SORL1: variants seen among roughly 807,000 people sequenced by gnomAD.
The protein encoded by SORL1 is sortilin-related receptor.
A neutral mutation model predicts 273.7 loss-of-function variants in SORL1; 127 were observed. That is an observed-to-expected ratio of 0.46 (90% CI 0.40 to 0.54). The LOEUF is 0.54. SORL1 is among the 20% of genes least tolerant of loss of function. The pLI, the probability that SORL1 is intolerant of heterozygous loss-of-function variation, is 0.00. For synonymous variants in SORL1, 1,031 were observed against 1,067.4 expected, an observed-to-expected ratio of 0.97 and a Z score of 0.66; for missense variants, 2,494 against 2,846.1, an observed-to-expected ratio of 0.88 and a Z score of 2.81.
chr11:121,481,048 C>T (rs1861373600), intron 3 of SORL1, among the ~76,000 whole-genome samples: 8 of 118,124 alleles, frequency 6.8e-5, no homozygotes, highest in Admixed American at 8.0e-5. Context: ...CCAGCTCCTC[C>T]CCTAGTGCAC....
rs1300498350 is a variant in SORL1 at position 121,457,291 on chromosome 11, G to A, written c.285+4675G>A. Among the ~76,000 whole-genome samples the A allele has an allele frequency of 2.0e-5, 3 of 152,280 alleles. No homozygotes were observed. The East Asian group carries it at 5.8e-4, about 29-fold the overall frequency. ...GATGAAATAAAAAGCTGTCTGATTA[G>A]GTAATGCACGTTTACAAAACAAAAT... On this transcript the variant is annotated intron_variant, in intron 1 of 47. Transcript: ENST00000260197.
intron 40 of SORL1, among the ~76,000 whole-genome samples, chr11:121,613,257 C>T (rs1863592941): frequency 6.6e-6 from 1 of 152,206 alleles, no homozygotes; most frequent in Non-Finnish European, 1.5e-5. Context: ...TCAGTAAATA[C>T]ATGTTGACTG....
chr11:121,596,185 C>G lies in SORL1; in HGVS notation c.4519+413C>G, dbSNP rs1280516590. Among the ~76,000 whole-genome samples the G allele has an allele frequency of 6.6e-6, 1 of 152,186 alleles. No homozygotes were observed. The highest frequency in any genetic ancestry group is 1.5e-5 in the Non-Finnish European group (1 of 68,034). On this transcript the variant is annotated intron_variant, in intron 32 of 47. Transcript: ENST00000260197. This position sits in a 1 kb window ranked among gnomAD's most constrained non-coding sequence, Gnocchi z 4.3. ...AGCTGTGTTATTAGAGGGTTTGCCT[C>G]TAGCACCCCATTAAGAAAATTCATT...
At chr11:121,570,388 CT>C in intron 23 of SORL1, 118 bp downstream of exon 23, 2 of 637,252 alleles carry the variant, frequency 3.1e-6, no homozygotes, top group Non-Finnish European at 5.7e-6. Flanking sequence ...TGATGCCCAT[CT>C]AAGTTGATGG....
At chr11:121,490,228 A>C (rs1188745917) in intron 5 of SORL1, 118 bp downstream of exon 5, 1 of 696,738 alleles carries the variant, frequency 1.4e-6, no homozygotes, top group African/African-American at 1.8e-5. Context: ...CAGGAAATAC[A>C]TTTTTCCAGA....
intron 5 of SORL1, among the ~76,000 whole-genome samples, chr11:121,490,898 A>G (rs1441641905): frequency 6.6e-6 from 1 of 152,198 alleles, no homozygotes; most frequent in African/African-American, 2.4e-5. Flanking sequence ...CAGGTACGTA[A>G]CACACATTGT....
chr11:121,533,419 T>C (rs1339471287), intron 12 of SORL1, among the ~76,000 whole-genome samples: 1 of 152,204 alleles, frequency 6.6e-6, no homozygotes, highest in Non-Finnish European at 1.5e-5. Context: ...TTGCAATATA[T>C]TGTTCTGAAA....
At chr11:121,480,785 G>A (rs1488851361) in intron 3 of SORL1, among the ~76,000 whole-genome samples, 1 of 139,082 alleles carries the variant, frequency 7.2e-6, no homozygotes, top group Admixed American at 7.1e-5. Context: ...CTCCCCTAGT[G>A]CACAGATACC....
chr11:121,625,339 T>G, intron 46 of SORL1, 62 bp downstream of exon 46: 1 of 1,321,142 alleles, frequency 7.6e-7, no homozygotes, highest in South Asian at 1.3e-5. Flanking sequence ...GAATGTCATA[T>G]GGTTTCATGA....
At position 121,522,936 on chromosome 11, in the gene SORL1, G is replaced by A; in HGVS notation, c.1543G>A (p.Ala515Thr). The A allele has an allele frequency of 1.2e-6, 2 of 1,613,922 alleles. No homozygotes were observed. The highest frequency in any genetic ancestry group is 1.7e-6 in the Non-Finnish European group (2 of 1,179,786). The change falls in exon 11 of 48, where the codon GCT (alanine) becomes ACT (threonine). Residue 515 changes from alanine (A) to threonine (T), a missense_variant. Physicochemically the swap from Ala to Thr is moderately conservative, Grantham distance 58. Transcript: ENST00000260197. The part of the protein sequence containing the change: ...IATGSVGKNL[A>T]SKTNVYISSS... ...TTTAGGCTCAGTGGGAAAGAACTTG[G>A]CTAGCAAGACAAACGTGTACATCTC...
intron 14 of SORL1, among the ~76,000 whole-genome samples, chr11:121,549,527 C>T (rs1367351193): frequency 1.3e-5 from 2 of 152,118 alleles, no homozygotes; most frequent in Non-Finnish European, 2.9e-5. Flanking sequence ...ATGCCCGGCC[C>T]CAAATAATTT....
intron 1 of SORL1, among the ~76,000 whole-genome samples, chr11:121,458,871 T>G (rs1860948302): frequency 6.6e-6 from 1 of 152,212 alleles, no homozygotes; most frequent in Admixed American, 6.5e-5. Flanking sequence ...TGACCAATGC[T>G]TTGTGCATTT....
chr11:121,481,869 C>G (rs1861393740), intron 3 of SORL1, among the ~76,000 whole-genome samples: 1 of 146,650 alleles, frequency 6.8e-6, no homozygotes. Flanking sequence ...ACACAGATAC[C>G]TATAGGCAGG....
chr11:121,477,100 C>T (rs966980618), intron 2 of SORL1, among the ~76,000 whole-genome samples: 1 of 152,072 alleles, frequency 6.6e-6, no homozygotes, highest in Non-Finnish European at 1.5e-5. Flanking sequence ...CCTCATTTTT[C>T]TTTAATGCTC....
At chr11:121,528,324 C>T (rs1198531253) in intron 11 of SORL1, among the ~76,000 whole-genome samples, 1 of 151,986 alleles carries the variant, frequency 6.6e-6, no homozygotes, top group Non-Finnish European at 1.5e-5. Context: ...AAAAAATTAA[C>T]TGGGCATACC....
chr11:121,483,649 G>A (rs1254937815), intron 3 of SORL1, among the ~76,000 whole-genome samples: 6 of 152,170 alleles, frequency 3.9e-5, no homozygotes, highest in African/African-American at 9.7e-5. Context: ...AGTTTGGGAA[G>A]CACCTTGTAG....
intron 41 of SORL1, among the ~76,000 whole-genome samples, chr11:121,617,019 T>G (rs938115993): frequency 9.2e-5 from 14 of 152,336 alleles, no homozygotes; most frequent in African/African-American, 3.4e-4. Flanking sequence ...TTTCTGGTTG[T>G]CAATTGGTTG....
At chr11:121,512,043 A>G (rs1861887941) in intron 6 of SORL1, among the ~76,000 whole-genome samples, 1 of 152,188 alleles carries the variant, frequency 6.6e-6, no homozygotes, top group South Asian at 2.1e-4. Context: ...GCTTCTGGCC[A>G]TGTTCTTTTA....
chr11:121,480,088 C>T (rs1219139451), intron 3 of SORL1, among the ~76,000 whole-genome samples: 2 of 152,164 alleles, frequency 1.3e-5, no homozygotes, highest in African/African-American at 2.4e-5. Flanking sequence ...GCTGCCTCTT[C>T]TGTGGATGGA....
Sources: allele counts gnomAD v4.1 joint callset (sites outside exome capture counted in the v4.1 genomes callset), GRCh38; gene constraint gnomAD v4.1.1; non-coding constraint Gnocchi (gnomAD v3.1); transcripts MANE v1.5; gene names NCBI Gene and HGNC (gene_info 2026-07-23, HGNC 2026-07-21).